The following CCDC47 variants were observed in gnomAD, a reference collection of about 807,000 sequenced individuals.
The protein encoded by CCDC47 is coiled-coil domain containing 47, also known as PAT complex subunit CCDC47.
In CCDC47, 41 loss-of-function variants were observed where a neutral mutation model predicts 60.5. That is an observed-to-expected ratio of 0.68 (90% CI 0.53 to 0.88). The LOEUF is 0.88. Ranked by LOEUF, CCDC47 falls within the 40% of genes least tolerant of loss-of-function variation. CCDC47 has a pLI of 0.00. For missense variants in CCDC47, 513 were observed against 580.9 expected, an observed-to-expected ratio of 0.88 and a Z score of 1.20; for synonymous variants, 195 against 190.7, an observed-to-expected ratio of 1.02 and a Z score of -0.18.
intron 1 of CCDC47, among the ~76,000 whole-genome samples, chr17:63,770,963 G>C (rs911035434): frequency 7.8e-5 from 11 of 141,870 alleles, no homozygotes; most frequent in Non-Finnish European, 4.5e-5. Flanking sequence ...ACTCCAGCCT[G>C]GGTGACAGAG....
chr17:63,754,463 T>C lies in CCDC47; in HGVS notation c.1004A>G (p.Asp335Gly). 1 of 1,608,008 alleles carries C rather than the reference T, an allele frequency of 6.2e-7. No homozygotes were observed. Residue 335 changes from aspartate (D) to glycine (G), a missense_variant, in exon 9 of 13, where the codon GAC (aspartate) becomes GGC (glycine). Coordinates refer to ENST00000225726, the MANE Select transcript of CCDC47 (RefSeq NM_020198.3). ...ADKIESVHFS[D>G]QFSGPKIMQE... is the part of the protein sequence containing the mutation. ...CATAATTTTTGGACCAGAGAACTGG[T>C]CTGAAAAATGAACAGATTCAATCTT...
At chr17:63,761,851 C>A in intron 4 of CCDC47, 1 of 964,620 alleles carries the variant, frequency 1.0e-6, no homozygotes, top group African/African-American at 1.8e-5. Flanking sequence ...ACTTTTAAAA[C>A]TATTGTCTGT....
At chr17:63,760,294 G>A (rs2039247963) in intron 6 of CCDC47, among the ~76,000 whole-genome samples, 1 of 152,118 alleles carries the variant, frequency 6.6e-6, no homozygotes, top group Non-Finnish European at 1.5e-5. Context: ...AAGGAGCCAA[G>A]TTACCCATGA....
rs185452134 is a variant in CCDC47 at position 63,745,454 on chromosome 17, T to A, written c.*1427A>T. The stretch of plus-strand genomic sequence containing the variant: ...GGCCACTACTATAATTATATAATAT[T>A]AAAGTAATTAAGTTTTATGTTAGTT... On this transcript the variant is annotated 3_prime_UTR_variant, in exon 13 of 13. Coordinates refer to ENST00000225726, the MANE Select transcript of CCDC47 (RefSeq NM_020198.3). 1 of 152,370 alleles carries A rather than the reference T, an allele frequency of 6.6e-6. No homozygotes were observed. The highest frequency in any genetic ancestry group is 2.4e-5 in the African/African-American group (1 of 41,586). The allele number at this position is 152,370 out of a possible 1,614,324, so 9.4% of individuals were successfully genotyped here.
chr17:63,765,100 A>G, intron 2 of CCDC47: 1 of 247,386 alleles, frequency 4.0e-6, no homozygotes, highest in South Asian at 1.5e-4. Context: ...TGCTAAGAGA[A>G]TATATTGTAA....
chr17:63,751,810 T>C, intron 12 of CCDC47, 130 bp downstream of exon 12: 2 of 1,008,178 alleles, frequency 2.0e-6, no homozygotes, highest in Non-Finnish European at 1.6e-6. Context: ...GTGTTATCAA[T>C]TGATACAATG....
At chr17:63,751,301 G>A (rs2039162157) in intron 12 of CCDC47, among the ~76,000 whole-genome samples, 1 of 138,314 alleles carries the variant, frequency 7.2e-6, no homozygotes, top group South Asian at 2.4e-4. Flanking sequence ...GGGAGGCGGA[G>A]ACTGCACTGA....
intron 12 of CCDC47, chr17:63,747,623 C>CT: frequency 3.0e-6 from 3 of 985,316 alleles, no homozygotes; most frequent in Non-Finnish European, 3.6e-6. Context: ...CTGTTGGCCA[C>CT]TAGTGGTCAC....
At chr17:63,748,365 G>T (rs1028873553) in intron 12 of CCDC47, among the ~76,000 whole-genome samples, 1 of 151,978 alleles carries the variant, frequency 6.6e-6, no homozygotes, top group South Asian at 2.1e-4. Context: ...TACCTGCCTC[G>T]GCCTCCCAAA....
chr17:63,764,018 A>T lies in CCDC47; in HGVS notation c.545T>A (p.Val182Glu). 2.5e-6 allele frequency: 4 copies of T among 1,587,356 alleles called. No homozygotes were observed. Among genetic ancestry groups the T allele is most frequent in the Non-Finnish European group, 3.4e-6 (4 of 1,171,202 alleles). ...GGGCTGACATTGGCCTCACTTACCC[A>T]CTAAAGTAAAGTTGCTCTCCAAAAG... ...RELLESNFTLVGDDGTNKEAT... is the reference protein window; with the variant it reads ...RELLESNFTLEGDDGTNKEAT... Residue 182 changes from valine (V) to glutamate (E), a missense_variant and splice_region_variant, in exon 4 of 13, where the codon GTG becomes GAG. Physicochemically the swap from Val to Glu is moderately radical, Grantham distance 121 (BLOSUM62 -2). Coordinates refer to ENST00000225726, the MANE Select transcript of CCDC47 (RefSeq NM_020198.3).
chr17:63,759,564 T>A lies in CCDC47; in HGVS notation c.735+1350A>T, dbSNP rs1568249210. Among the ~76,000 whole-genome samples, 649 of 84,408 alleles carry A rather than the reference T, an allele frequency of 7.7e-3. 101 individuals carry two copies. The highest frequency in any genetic ancestry group is 0.028 in the African/African-American group (572 of 20,402). 55.4% of individuals were successfully genotyped at this position (84,408 alleles called of 152,430 possible). ...ATATATATATATATATATATATATA[T>A]ATATATATATATAAAACAATGATTT... is the stretch of plus-strand genomic sequence containing the variant. On this transcript the variant is annotated intron_variant, in intron 6 of 12. Coordinates refer to ENST00000225726, the MANE Select transcript of CCDC47 (RefSeq NM_020198.3).
rs749644353 is a variant in CCDC47, at chr17:63,745,453, TTAAAG to T, written c.*1423_*1427del. 1 of 152,272 alleles carries T rather than the reference TTAAAG, an allele frequency of 6.6e-6. No homozygotes were observed. Among genetic ancestry groups the T allele is most frequent in the Admixed American group, 6.5e-5 (1 of 15,280 alleles). The allele number at this position is 152,272 out of a possible 1,614,324, so 9.4% of individuals were successfully genotyped here. On this transcript the variant is annotated 3_prime_UTR_variant, in exon 13 of 13. Transcript: ENST00000225726. ...AGGCCACTACTATAATTATATAATA[TTAAAG>T]TAATTAAGTTTTATGTTAGTTATTT...
chr17:63,750,845 C>T (rs2039157732), intron 12 of CCDC47, among the ~76,000 whole-genome samples: 1 of 151,976 alleles, frequency 6.6e-6, no homozygotes, highest in African/African-American at 2.4e-5. Context: ...CCTCAGCCTC[C>T]CAAAGTGCTG....
Position 63,764,864 on chromosome 17 carries a change from T to G in CCDC47, c.265-17A>C. 1 of 1,605,572 alleles carries G rather than the reference T, an allele frequency of 6.2e-7. No homozygotes were observed. ...ATCTCCCTCCTACAAAAATGAGGCATCATCCGTTTTCCTCTACAAATGTCA... is the reference window on the plus strand; with the variant it reads ...ATCTCCCTCCTACAAAAATGAGGCAGCATCCGTTTTCCTCTACAAATGTCA... On this transcript the variant is annotated splice_polypyrimidine_tract_variant and intron_variant, in intron 2 of 12. Transcript: ENST00000225726.
At chr17:63,763,910 CT>C in intron 4 of CCDC47, 105 bp downstream of exon 4, 1 of 717,330 alleles carries the variant, frequency 1.4e-6, no homozygotes, top group Non-Finnish European at 2.0e-6. Flanking sequence ...AATGCACCCT[CT>C]TTGGTATTCC....
intron 1 of CCDC47, among the ~76,000 whole-genome samples, chr17:63,766,571 G>GCC (rs2039299658): frequency 6.6e-6 from 1 of 152,070 alleles, no homozygotes; most frequent in Non-Finnish European, 1.5e-5. Flanking sequence ...TTACAGGCAT[G>GCC]TGCCACCACG....
chr17:63,747,419 A>C (rs2039128973), intron 12 of CCDC47: 1 of 984,314 alleles, frequency 1.0e-6, no homozygotes. Context: ...TAGCACAGAC[A>C]CCATACCTGC....
rs149724111 is a variant in CCDC47, at chr17:63,765,408, T to C, written c.264+504A>G. Among the ~76,000 whole-genome samples, 58 of 152,122 alleles carry C rather than the reference T, an allele frequency of 3.8e-4. No homozygotes were observed. In the East Asian group the frequency reaches 9.3e-3, roughly 24 times the overall value. ...CAGGCTGAAGTGCAGTGGCTCAATC[T>C]CAGCTCACTGCAACCTCCACCTCCC... is the stretch of plus-strand genomic sequence containing the variant. On this transcript the variant is annotated intron_variant, in intron 2 of 12. Coordinates refer to ENST00000225726, the MANE Select transcript of CCDC47 (RefSeq NM_020198.3).
At chr17:63,768,044 C>A (rs2039309753) in intron 1 of CCDC47, among the ~76,000 whole-genome samples, 1 of 152,172 alleles carries the variant, frequency 6.6e-6, no homozygotes, top group African/African-American at 2.4e-5. Flanking sequence ...TCCCCACTCC[C>A]TACTTTTCCT....
Sources: gnomAD v4.1 joint callset for allele counts (sites outside exome capture counted in the v4.1 genomes callset) on GRCh38, gnomAD v4.1.1 for gene constraint, MANE v1.5 for transcripts, NCBI Gene and HGNC (gene_info 2026-07-23, HGNC 2026-07-21) for gene names.